ETV6: variants seen among roughly 807,000 people sequenced by gnomAD.
ETV6 encodes the protein transcription factor ETV6.
In ETV6, 16 loss-of-function variants were observed where a neutral mutation model predicts 51.1. That is an observed-to-expected ratio of 0.31 (90% CI 0.21 to 0.48). ETV6 has a LOEUF of 0.48. ETV6 is among the 20% of genes least tolerant of loss of function. The pLI is 0.99. For synonymous variants in ETV6, 240 were observed against 224.1 expected (o/e 1.07, Z -0.64); for missense variants, 458 against 594.8 (o/e 0.77, Z 2.39).
At chr12:11,838,255 C>G (rs2136462333) in intron 2 of ETV6, among the ~76,000 whole-genome samples, 1 of 152,314 alleles carries the variant, frequency 6.6e-6, no homozygotes, top group Middle Eastern at 3.4e-3. Flanking sequence ...CATAGGCACC[C>G]TACAAAGGTC....
At chr12:11,772,995 C>T (rs931956024) in intron 2 of ETV6, among the ~76,000 whole-genome samples, 1 of 151,934 alleles carries the variant, frequency 6.6e-6, no homozygotes, top group Non-Finnish European at 1.5e-5. Flanking sequence ...GAGATCCAGA[C>T]CATCCTGGCT....
chr12:11,735,209 T>A (rs1454121016), intron 1 of ETV6, among the ~76,000 whole-genome samples: 1 of 150,950 alleles, frequency 6.6e-6, no homozygotes, highest in Non-Finnish European at 1.5e-5. Flanking sequence ...ACTATACGTG[T>A]CTGTAGTAGA....
At chr12:11,860,880 G>C (rs1259242815) in intron 4 of ETV6, among the ~76,000 whole-genome samples, 1 of 152,120 alleles carries the variant, frequency 6.6e-6, no homozygotes, top group African/African-American at 2.4e-5. Context: ...CATCAGGTTT[G>C]TGCACCTTAT....
At chr12:11,807,453 G>A (rs1034792129) in intron 2 of ETV6, among the ~76,000 whole-genome samples, 2 of 152,296 alleles carry the variant, frequency 1.3e-5, no homozygotes, top group South Asian at 2.1e-4. Flanking sequence ...ACCCTGGGCA[G>A]GAATCTTTAA....
intron 2 of ETV6, among the ~76,000 whole-genome samples, chr12:11,813,738 A>G (rs1945948437): frequency 6.6e-6 from 1 of 152,206 alleles, no homozygotes; most frequent in Admixed American, 6.5e-5. Context: ...ACTTCTTGTG[A>G]TATGCACTTG....
chr12:11,793,564 A>G (rs868720371), intron 2 of ETV6, among the ~76,000 whole-genome samples: 1 of 152,204 alleles, frequency 6.6e-6, no homozygotes, highest in Non-Finnish European at 1.5e-5. Flanking sequence ...CCAGTAAATT[A>G]AGGTCACAAG....
intron 1 of ETV6, among the ~76,000 whole-genome samples, chr12:11,680,902 C>T (rs569105841): frequency 6.6e-6 from 1 of 152,128 alleles, no homozygotes; most frequent in Non-Finnish European, 1.5e-5. Flanking sequence ...TGTGATGCTC[C>T]TTACTTTCTG....
chr12:11,656,913 T>A (rs1186301667), intron 1 of ETV6, among the ~76,000 whole-genome samples: 1 of 152,164 alleles, frequency 6.6e-6, no homozygotes, highest in Non-Finnish European at 1.5e-5. Flanking sequence ...ACATCTTTAA[T>A]ATTATGTGAT....
At position 11,821,206 on chromosome 12, in the gene ETV6, CA is replaced by C. The variant is rs764775120; in HGVS notation, c.164-17924del. ...CAAAACCCCATCTCTACTAAAAATA[CA>C]AAAAAAAAATTAGCTGGGTGTGGTG... On this transcript the variant is annotated intron_variant, in intron 2 of 7. Transcript: ENST00000396373. Among the ~76,000 whole-genome samples, 168 of 147,656 alleles carry C rather than the reference CA, an allele frequency of 1.1e-3. 1 individual carries two copies. In the South Asian group the frequency reaches 0.026, roughly 23 times the overall value.
At chr12:11,832,607 C>T (rs1003162486) in intron 2 of ETV6, among the ~76,000 whole-genome samples, 8 of 152,238 alleles carry the variant, frequency 5.3e-5, no homozygotes, top group Middle Eastern at 3.2e-3. Context: ...TTCAAACATA[C>T]ATGTTACGAG....
chr12:11,754,856 T>A (rs933586687), intron 2 of ETV6, among the ~76,000 whole-genome samples: 4 of 152,352 alleles, frequency 2.6e-5, no homozygotes, highest in Admixed American at 2.6e-4. Context: ...CTGTGTGAAG[T>A]CCTTTACAGG....
chr12:11,789,199 ATTTC>A (rs1490901832), intron 2 of ETV6, among the ~76,000 whole-genome samples: 5 of 151,548 alleles, frequency 3.3e-5, no homozygotes, highest in Non-Finnish European at 7.4e-5. Context: ...TGCCCAGCTA[ATTTC>A]TTGTATTTTT....
At chr12:11,703,502 G>A (rs1167423458) in intron 1 of ETV6, among the ~76,000 whole-genome samples, 3 of 151,692 alleles carry the variant, frequency 2.0e-5, no homozygotes, top group South Asian at 2.1e-4. Flanking sequence ...GGATATTTAC[G>A]AGCAAGCCAA....
rs559189822 is a variant in ETV6, at chr12:11,814,540, C to A, written c.164-24600C>A. ...CCACTATTTCTCTATGATCTTAGCC[C>A]AGCTGTGTGTGTTGTGAGTCATGCC... On this transcript the variant is annotated intron_variant, in intron 2 of 7. Coordinates refer to ENST00000396373, the MANE Select transcript of ETV6 (RefSeq NM_001987.5). Among the ~76,000 whole-genome samples, 11 of 152,168 alleles carry A rather than the reference C, an allele frequency of 7.2e-5. No homozygotes were observed. In the South Asian group the frequency reaches 2.1e-3, roughly 29 times the overall value.
chr12:11,840,429 C>G (rs1946372522), intron 3 of ETV6: 1 of 455,970 alleles, frequency 2.2e-6, no homozygotes, highest in African/African-American at 2.0e-5. Flanking sequence ...CTGAAGTACT[C>G]AAGGCCCTCC....
rs139819788 is a variant in ETV6, at chr12:11,829,725, T to C, written c.164-9415T>C. ...TCATTCGAGGGAATTGACTGTGACT[T>C]TGGATCTGAACATGAACATAGAGTG... On this transcript the variant is annotated intron_variant, in intron 2 of 7. Coordinates refer to ENST00000396373, the MANE Select transcript of ETV6 (RefSeq NM_001987.5). Among the ~76,000 whole-genome samples the C allele has an allele frequency of 1.5e-3, 233 of 152,306 alleles. 4 individuals are homozygous for C. Among genetic ancestry groups the C allele is most frequent in the African/African-American group, 5.4e-3 (224 of 41,570 alleles).
chr12:11,844,945 C>A (rs1228469738), intron 3 of ETV6, among the ~76,000 whole-genome samples: 2 of 152,100 alleles, frequency 1.3e-5, no homozygotes, highest in African/African-American at 4.8e-5. Context: ...AATTCTCCTG[C>A]CTCAGCCTCC....
At chr12:11,781,551 C>T (rs753850911) in intron 2 of ETV6, among the ~76,000 whole-genome samples, 4 of 152,164 alleles carry the variant, frequency 2.6e-5, no homozygotes, top group Non-Finnish European at 4.4e-5. Context: ...CAGTATTTTT[C>T]GTCTAATATG....
At chr12:11,861,315 C>CA (rs1274504113) in intron 4 of ETV6, among the ~76,000 whole-genome samples, 15 of 152,186 alleles carry the variant, frequency 9.9e-5, no homozygotes, top group African/African-American at 3.6e-4. Context: ...CAGCCTTCTG[C>CA]AAGTCCTGCT....
Sources: gnomAD v4.1 joint callset for allele counts (sites outside exome capture counted in the v4.1 genomes callset) on GRCh38, gnomAD v4.1.1 for gene constraint, MANE v1.5 for transcripts, NCBI Gene and HGNC (gene_info 2026-07-23, HGNC 2026-07-21) for gene names.